TENM4: variants seen among roughly 807,000 people sequenced by gnomAD.
TENM4 encodes the protein teneurin transmembrane protein 4.
A neutral mutation model predicts 243.3 loss-of-function variants in TENM4; 82 were observed. The observed-to-expected ratio is 0.34, with a 90% CI of 0.28 to 0.40. The LOEUF (loss-of-function observed/expected upper bound fraction) is 0.40, where lower values mean the gene tolerates loss of function less well. Ranked by LOEUF, TENM4 falls within the 10% of genes least tolerant of loss-of-function variation. TENM4 has a pLI of 1.00. For synonymous variants in TENM4, 1,412 were observed against 1,456.3 expected, an observed-to-expected ratio of 0.97 and a Z score of 0.69; for missense variants, 3,138 against 3,673.3, an observed-to-expected ratio of 0.85 and a Z score of 3.77.
intron 1 of TENM4, among the ~76,000 whole-genome samples, chr11:79,315,345 T>C (rs12270040): frequency 0.28 from 41,943 of 152,060 alleles, 6,135 homozygotes; most frequent in African/African-American, 0.35. Context: ...GACCAGAAGG[T>C]CCCCTCTGTG....
At chr11:78,706,409 T>C (rs1182799376) in intron 27 of TENM4, among the ~76,000 whole-genome samples, 1 of 152,214 alleles carries the variant, frequency 6.6e-6, no homozygotes, top group African/African-American at 2.4e-5. Context: ...TTCTCACTCA[T>C]GCCTCTGAGC....
In TENM4 at chr11:78,801,222, C is replaced by A. The variant is rs547881125; in HGVS notation, c.2179+4070G>T. ...TGAGTCACTTAGGGCCAGTCATTCC[C>A]CGCTTCCAACTCTTTTCTATCTGTT... On this transcript the variant is annotated intron_variant, in intron 15 of 33. Transcript: ENST00000278550. Among the ~76,000 whole-genome samples, 605 of 152,202 alleles carry A rather than the reference C, an allele frequency of 4.0e-3. 2 individuals carry two copies. The highest frequency in any genetic ancestry group is 6.7e-3 in the Non-Finnish European group (455 of 68,016).
chr11:78,734,666 T>G (rs7951937), intron 20 of TENM4, among the ~76,000 whole-genome samples: 11,490 of 152,078 alleles, frequency 0.076, 1,467 homozygotes, highest in African/African-American at 0.26. Context: ...TATCAAACTG[T>G]ATAGCTCAAA....
chr11:79,255,374 A>G (rs117191802), intron 2 of TENM4, among the ~76,000 whole-genome samples: 2,667 of 152,302 alleles, frequency 0.018, 29 homozygotes, highest in Middle Eastern at 0.075. Context: ...TGTCTTACAT[A>G]GATCCCTGCA....
chr11:78,692,855 A>G (rs570109601), intron 28 of TENM4, among the ~76,000 whole-genome samples: 2 of 152,256 alleles, frequency 1.3e-5, no homozygotes, highest in South Asian at 2.1e-4. Flanking sequence ...CCTGTCATCA[A>G]TCATGTTTCA....
intron 16 of TENM4, among the ~76,000 whole-genome samples, chr11:78,779,284 G>A (rs1370776005): frequency 6.6e-6 from 1 of 152,144 alleles, no homozygotes; most frequent in Non-Finnish European, 1.5e-5. Flanking sequence ...TTCCTCCTTT[G>A]TGCATCGTAC....
intron 2 of TENM4, among the ~76,000 whole-genome samples, chr11:79,284,742 T>C (rs1392118840): frequency 6.6e-6 from 1 of 152,152 alleles, no homozygotes; most frequent in Non-Finnish European, 1.5e-5. Context: ...TCAAAGAACA[T>C]TATCAAGAGA....
intron 15 of TENM4, among the ~76,000 whole-genome samples, chr11:78,792,740 T>G (rs574821457): frequency 6.6e-6 from 1 of 152,370 alleles, no homozygotes; most frequent in Non-Finnish European, 1.5e-5. Context: ...AGTGCCACGT[T>G]GTACACAGGT....
intron 6 of TENM4, among the ~76,000 whole-genome samples, chr11:78,996,643 T>C (rs562806217): frequency 2.9e-4 from 44 of 152,292 alleles, no homozygotes; most frequent in African/African-American, 5.3e-4. Context: ...CTGAGCCTTA[T>C]TGGGAAGCTG....
At chr11:79,046,786 C>A (rs1859670504) in intron 6 of TENM4, among the ~76,000 whole-genome samples, 1 of 152,162 alleles carries the variant, frequency 6.6e-6, no homozygotes, top group Admixed American at 6.5e-5. Flanking sequence ...CCTGTCTATA[C>A]CACCCAGAAC....
rs774415777 is a variant in TENM4, at chr11:78,702,095, A to G, written c.4518T>C (p.Val1506=). Residue 1506 remains valine (V), a synonymous_variant, in exon 28 of 34, where the codon GTT becomes GTC. Coordinates refer to ENST00000278550, the MANE Select transcript of TENM4 (RefSeq NM_001098816.3). ...AGTCACAGCCACTGGGGGCCCCAGC[A>G]ACGAGTGAGATCTCTCCACTAGTGG... ...QVTTSGEISL[V]AGAPSGCDCK... is the part of the protein sequence containing the mutation. 2 of 1,613,862 alleles carry G rather than the reference A, an allele frequency of 1.2e-6. No homozygotes were observed. Among genetic ancestry groups the G allele is most frequent in the Non-Finnish European group, 1.7e-6 (2 of 1,179,872 alleles).
chr11:78,817,030 T>C (rs1857619719), intron 12 of TENM4, among the ~76,000 whole-genome samples: 1 of 152,152 alleles, frequency 6.6e-6, no homozygotes, highest in South Asian at 2.1e-4. Flanking sequence ...TGTTCTAAAA[T>C]TCTATGAGTC....
At chr11:78,838,726 G>C (rs1334125116) in intron 12 of TENM4, among the ~76,000 whole-genome samples, 16 of 152,112 alleles carry the variant, frequency 1.1e-4, no homozygotes, top group Admixed American at 9.2e-4. Flanking sequence ...CCATCCAAAG[G>C]GGGCAGGGCC....
Position 78,978,010 on chromosome 11 carries a change from A to G in TENM4, c.494-74487T>C, listed in dbSNP as rs555385683. 3.1e-3 allele frequency among the ~76,000 whole-genome samples: 471 copies of G among 152,294 alleles called. 1 individual carries two copies. Among genetic ancestry groups the G allele is most frequent in the African/African-American group, 0.011 (449 of 41,566 alleles). On this transcript the variant is annotated intron_variant, in intron 6 of 33. Transcript: ENST00000278550. ...ATAATGTGGCACATATACACCATGGAATACTATGCAGCCATGAAAAAGGAT... is the reference window on the plus strand; with the variant it reads ...ATAATGTGGCACATATACACCATGGGATACTATGCAGCCATGAAAAAGGAT...
intron 6 of TENM4, among the ~76,000 whole-genome samples, chr11:78,936,047 G>T (rs1346161309): frequency 6.6e-6 from 1 of 152,212 alleles, no homozygotes. Context: ...AGGGATAAAT[G>T]AGGTGTTACA....
intron 12 of TENM4, among the ~76,000 whole-genome samples, chr11:78,831,695 C>G (rs1056969303): frequency 2.0e-5 from 3 of 152,234 alleles, no homozygotes; most frequent in Non-Finnish European, 4.4e-5. Context: ...AGGGCGTCAG[C>G]TGACAGATGC....
chr11:79,023,426 G>A (rs1020520881), intron 6 of TENM4, among the ~76,000 whole-genome samples: 1 of 152,072 alleles, frequency 6.6e-6, no homozygotes, highest in Non-Finnish European at 1.5e-5. Context: ...GCCGGGCGCA[G>A]TGGTGTGCAC....
intron 7 of TENM4, 74 bp downstream of exon 7, chr11:78,903,194 C>T: frequency 2.8e-6 from 4 of 1,440,558 alleles, no homozygotes; most frequent in South Asian, 2.9e-5. Flanking sequence ...TGAATGGCCC[C>T]GCCAGCCAAA....
intron 1 of TENM4, among the ~76,000 whole-genome samples, chr11:79,423,535 ATTTTTTTTT>A (rs67697266): frequency 8.3e-4 from 95 of 114,126 alleles, no homozygotes; most frequent in African/African-American, 1.0e-3. Flanking sequence ...TTACAAGTGC[ATTTTTTTTT>A]TTTTTTTTTT....
Sources: gnomAD v4.1 joint callset for allele counts (sites outside exome capture counted in the v4.1 genomes callset) on GRCh38, gnomAD v4.1.1 for gene constraint, MANE v1.5 for transcripts, NCBI Gene and HGNC (gene_info 2026-07-23, HGNC 2026-07-21) for gene names.